SLBP: variants seen among roughly 807,000 people sequenced by gnomAD.
The protein encoded by SLBP is histone RNA hairpin-binding protein.
A neutral mutation model predicts 39.2 loss-of-function variants in SLBP; 29 were observed. That is an observed-to-expected ratio of 0.74 (90% CI 0.55 to 1.01). The LOEUF (loss-of-function observed/expected upper bound fraction) is 1.01. Among genes scored for constraint, SLBP ranks in the 50% least tolerant of loss-of-function variants. SLBP has a pLI of 0.00. For missense variants in SLBP, 390 were observed against 350.2 expected (o/e 1.11, Z -0.91); for synonymous variants, 129 against 118.7 (o/e 1.09, Z -0.57).
In SLBP at chr4:1,700,027, T is replaced by C. The variant is rs765473972; in HGVS notation, c.325A>G (p.Lys109Glu). 2 of 1,599,482 alleles carry C rather than the reference T, an allele frequency of 1.3e-6. No homozygotes were observed. Among genetic ancestry groups the C allele is most frequent in the East Asian group, 4.5e-5 (2 of 44,812 alleles). ...AGCCTTTACCTTCCTGATGATGATT[T>C]TCTCTCTCTTCCAAAGTCATTGATG... ...LLINDFGRER[K>E]SSSGSSDSKE... The change falls in exon 4 of 8, where the codon AAA becomes GAA. Residue 109 changes from lysine (K) to glutamate (E), a missense_variant. Transcript: ENST00000489418.
Position 1,693,670 on chromosome 4 carries a change from C to G in SLBP, c.740G>C (p.Ser247Thr), listed in dbSNP as rs1319953702. 6.2e-7 allele frequency: 1 copy of G among 1,614,028 alleles called. No individual in the cohort carries two copies. Residue 247 changes from serine (S) to threonine (T), a missense_variant, in exon 8 of 8, where the codon AGT (serine) becomes ACT (threonine). Physicochemically the swap from Ser to Thr is moderately conservative, Grantham distance 58. Transcript: ENST00000489418. ...GTPTKVRHMD[S>T]QVEDEFDLEA... ...CAAATCAAACTCATCCTCCACTTGA[C>G]TGTCCATGTGTCTCACCTTGGTGGG...
intron 2 of SLBP, among the ~76,000 whole-genome samples, chr4:1,706,859 G>A (rs964338429): frequency 5.3e-5 from 8 of 151,946 alleles, no homozygotes; most frequent in Admixed American, 3.9e-4. Context: ...TAGTCCGGGC[G>A]TGGTGGCTCA....
chr4:1,711,928 C>A lies in SLBP; in HGVS notation c.122G>T (p.Arg41Met), dbSNP rs1716792585. 7.4e-6 allele frequency: 10 copies of A among 1,356,066 alleles called. No homozygotes were observed. Among genetic ancestry groups the A allele is most frequent in the Non-Finnish European group, 7.6e-6 (8 of 1,053,710 alleles). The allele number at this position is 1,356,066 out of a possible 1,614,324, so 84.0% of individuals were successfully genotyped here. A position where few individuals can be genotyped will look rare whatever the true frequency, so the allele number is the denominator to read the frequency against. The change falls in exon 2 of 8, where the codon AGG (arginine) becomes ATG (methionine). Residue 41 changes from arginine (R) to methionine (M), a missense_variant. Physicochemically the swap from Arg to Met is moderately conservative, Grantham distance 91 (BLOSUM62 -1). Coordinates refer to ENST00000489418, the MANE Select transcript of SLBP (RefSeq NM_006527.4). ...RKRRADGRRWRPEDAEEAEHR... is the reference protein window; with the variant it reads ...RKRRADGRRWMPEDAEEAEHR... Reference sequence around the variant, plus strand: ...CTCTGCCTCCTCGGCGTCTTCGGGCCTCCAGCGCCTGCCGTCGGCTCTGCG... The same window carrying A: ...CTCTGCCTCCTCGGCGTCTTCGGGCATCCAGCGCCTGCCGTCGGCTCTGCG...
chr4:1,705,057 A>T (rs980334392), intron 2 of SLBP, among the ~76,000 whole-genome samples: 2 of 152,086 alleles, frequency 1.3e-5, no homozygotes, highest in African/African-American at 4.8e-5. Flanking sequence ...CCTCCCGAGT[A>T]GCTGAAATTA....
intron 3 of SLBP, among the ~76,000 whole-genome samples, chr4:1,700,811 C>G (rs1234661482): frequency 3.3e-5 from 5 of 152,114 alleles, no homozygotes; most frequent in Admixed American, 2.0e-4. Context: ...GCAATCCTCC[C>G]GCCTCAGCCT....
chr4:1,711,923 C>A lies in SLBP; in HGVS notation c.127G>T (p.Glu43Ter). ...RRADGRRWRP[E>*]DAEEAEHRGA... is the part of the protein sequence containing the mutation. ...CGGTGCTCTGCCTCCTCGGCGTCTT[C>A]GGGCCTCCAGCGCCTGCCGTCGGCT... The change falls in exon 2 of 8, where the codon GAA (glutamate) becomes TAA (stop). Residue 43 changes from glutamate to a stop codon, truncating the protein, a stop_gained. Coordinates refer to ENST00000489418, the MANE Select transcript of SLBP (RefSeq NM_006527.4). LOFTEE classifies it high-confidence loss of function. 7.3e-7 allele frequency: 1 copy of A among 1,362,460 alleles called. No homozygotes were observed. 84.4% of individuals were successfully genotyped at this position (1,362,460 alleles called of 1,614,324 possible). A position where few individuals can be genotyped will look rare whatever the true frequency, so the allele number is the denominator to read the frequency against.
In SLBP at chr4:1,700,067, A is replaced by G; in HGVS notation, c.285T>C (p.Tyr95=). The change falls in exon 4 of 8, where the codon TAT becomes TAC. Residue 95 remains tyrosine, a synonymous_variant. Transcript: ENST00000489418. ...RTRVNKEMAR[Y]KRKLLINDFG... ...AGTCATTGATGAGGAGTTTCCTTTT[A>G]TATCTGAGGGCAAAATAAATATTGC... 9 of 1,593,592 alleles carry G rather than the reference A, an allele frequency of 5.6e-6. No individual in the cohort carries two copies. The highest frequency in any genetic ancestry group is 1.3e-5 in the African/African-American group (1 of 74,418).
rs778593556 is a variant in SLBP at position 1,703,638 on chromosome 4, T to A, written c.239A>T (p.Glu80Val). 6.2e-7 allele frequency: 1 copy of A among 1,613,982 alleles called. No homozygotes were observed. Among genetic ancestry groups the A allele is most frequent in the Non-Finnish European group, 8.5e-7 (1 of 1,179,814 alleles). Reference sequence around the variant, plus strand: ...AACTCTGGTCCTCATTTCATCTTCTTCAACTGCACTTGCCCAGTCAGAGCA... The same window carrying A: ...AACTCTGGTCCTCATTTCATCTTCTACAACTGCACTTGCCCAGTCAGAGCA... The part of the protein sequence containing the change: ...SRCSDWASAV[E>V]EDEMRTRVNK... The change falls in exon 3 of 8, where the codon GAA becomes GTA. Residue 80 changes from glutamate to valine, a missense_variant. By Grantham distance (121) the Glu-to-Val change is moderately radical. Coordinates refer to ENST00000489418, the MANE Select transcript of SLBP (RefSeq NM_006527.4).
intron 5 of SLBP, among the ~76,000 whole-genome samples, chr4:1,698,811 CAA>C (rs543828175): frequency 1.4e-5 from 2 of 141,560 alleles, no homozygotes; most frequent in Non-Finnish European, 3.1e-5. Context: ...TTTTAAGAGA[CAA>C]AGTCTCATAC....
chr4:1,701,630 G>C (rs78595760), intron 3 of SLBP, among the ~76,000 whole-genome samples: 1 of 152,206 alleles, frequency 6.6e-6, no homozygotes, highest in East Asian at 1.9e-4. Flanking sequence ...GCTTTGGCCA[G>C]GCAAGGTGGA....
At chr4:1,699,486 T>C in intron 5 of SLBP, 78 bp downstream of exon 5, 3 of 1,416,128 alleles carry the variant, frequency 2.1e-6, no homozygotes, top group East Asian at 4.6e-5. Flanking sequence ...GCATCATTTG[T>C]ACTACCCAAT....
At chr4:1,711,260 G>C (rs566617977) in intron 2 of SLBP, among the ~76,000 whole-genome samples, 3 of 151,084 alleles carry the variant, frequency 2.0e-5, no homozygotes, top group African/African-American at 7.3e-5. Flanking sequence ...CACCTTCACT[G>C]CTCCATCTCG....
chr4:1,707,264 A>G, intron 2 of SLBP, among the ~76,000 whole-genome samples: 1 of 50,648 alleles, frequency 2.0e-5, no homozygotes, highest in African/African-American at 5.3e-5. Context: ...AAAAAAAAAA[A>G]AAAAAAAAAA....
chr4:1,698,554 G>A (rs905245524), intron 5 of SLBP, among the ~76,000 whole-genome samples: 21 of 137,836 alleles, frequency 1.5e-4, no homozygotes, highest in Admixed American at 1.3e-3. Flanking sequence ...GTGCAATCTC[G>A]GCTCACTGCA....
chr4:1,708,389 C>T (rs1716605138), intron 2 of SLBP, among the ~76,000 whole-genome samples: 1 of 152,224 alleles, frequency 6.6e-6, no homozygotes, highest in Non-Finnish European at 1.5e-5. Context: ...TCTTCCCTTA[C>T]AGTCACACAA....
intron 5 of SLBP, among the ~76,000 whole-genome samples, chr4:1,698,533 G>A (rs1312223919): frequency 5.3e-5 from 8 of 151,292 alleles, no homozygotes; most frequent in Admixed American, 1.3e-4. Context: ...GACCCAGGCT[G>A]GAGTGCAGTG....
chr4:1,705,304 G>A (rs905772094), intron 2 of SLBP, among the ~76,000 whole-genome samples: 2 of 152,202 alleles, frequency 1.3e-5, no homozygotes, highest in Non-Finnish European at 2.9e-5. Flanking sequence ...TTCATGATGA[G>A]ATTACTGATC....
rs984536560 is a variant in SLBP, at chr4:1,693,499, A to G, written c.*98T>C. The stretch of plus-strand genomic sequence containing the variant: ...ATGAGCTAATGGACTGCTAACAGAG[A>G]AACCACCAGGTACAAGTGCACACAC... On this transcript the variant is annotated 3_prime_UTR_variant, in exon 8 of 8. Transcript: ENST00000489418. 3 of 735,084 alleles carry G rather than the reference A, an allele frequency of 4.1e-6. No homozygotes were observed. In the African/African-American group the frequency reaches 5.2e-5, roughly 13 times the overall value. 45.5% of individuals were successfully genotyped at this position (735,084 alleles called of 1,614,324 possible). A position where few individuals can be genotyped will look rare whatever the true frequency, so the allele number is the denominator to read the frequency against.
chr4:1,710,048 C>T (rs1716678896), intron 2 of SLBP, among the ~76,000 whole-genome samples: 2 of 152,084 alleles, frequency 1.3e-5, no homozygotes, highest in South Asian at 4.1e-4. Context: ...GGGTAAGTGT[C>T]GAGGCTGGTC....
Sources: allele counts gnomAD v4.1 joint callset (sites outside exome capture counted in the v4.1 genomes callset), GRCh38; gene constraint gnomAD v4.1.1; transcripts MANE v1.5; gene names NCBI Gene and HGNC (gene_info 2026-07-23, HGNC 2026-07-21).